The following RGS6 variants were observed in gnomAD, a reference collection of about 807,000 sequenced individuals.
The protein encoded by RGS6 is regulator of G-protein signaling 6.
Under a neutral mutation model 78.5 loss-of-function variants are expected in RGS6, and 30 were observed. The observed-to-expected ratio is 0.38, with a 90% CI of 0.29 to 0.52. The LOEUF is 0.52. Among genes scored for constraint, RGS6 ranks in the 20% least tolerant of loss-of-function variants. The pLI is 0.85. For missense variants in RGS6, 495 were observed against 609.7 expected, an observed-to-expected ratio of 0.81 and a Z score of 1.98; for synonymous variants, 206 against 206.0, an observed-to-expected ratio of 1.00 and a Z score of 0.00.
At chr14:71,868,558 T>C in the RGS6 span, among the ~76,000 whole-genome samples, 1 of 152,230 alleles carries the variant, frequency 6.6e-6, no homozygotes, top group African/African-American at 2.4e-5. Flanking sequence ...GAAGGCTTGA[T>C]AGGACATGTA....
At chr14:71,904,850 T>TCCTG in the RGS6 span, among the ~76,000 whole-genome samples, 1 of 152,244 alleles carries the variant, frequency 6.6e-6, no homozygotes, top group Non-Finnish European at 1.5e-5. Flanking sequence ...ATTTGGCTTT[T>TCCTG]ACCCCTGGGC....
intron 17 of RGS6, among the ~76,000 whole-genome samples, chr14:72,542,504 A>G (rs1417521650): frequency 2.0e-5 from 3 of 152,258 alleles, no homozygotes; most frequent in African/African-American, 7.2e-5. Flanking sequence ...ATAAAACTAA[A>G]TGAAGGGCCA....
chr14:72,430,899 AT>A (rs1400619235), intron 3 of RGS6, among the ~76,000 whole-genome samples: 1 of 152,146 alleles, frequency 6.6e-6, no homozygotes, highest in Non-Finnish European at 1.5e-5. Context: ...AGAAAATATT[AT>A]TTAATCCAGG....
chr14:72,397,327 C>G (rs970706163), intron 3 of RGS6, among the ~76,000 whole-genome samples: 1 of 151,930 alleles, frequency 6.6e-6, no homozygotes, highest in Non-Finnish European at 1.5e-5. Flanking sequence ...AATGGGAGTT[C>G]ACTCATGATT....
chr14:72,624,876 A>G, the RGS6 span, among the ~76,000 whole-genome samples: 3 of 152,254 alleles, frequency 2.0e-5, no homozygotes, highest in African/African-American at 7.2e-5. Context: ...ATACCACTAA[A>G]GTAATGTTGT....
chr14:72,536,212 T>C lies in RGS6; in HGVS notation c.1305T>C (p.Ser435=), dbSNP rs1174960969. 2.5e-5 allele frequency: 41 copies of C among 1,613,756 alleles called. No homozygotes were observed. Among genetic ancestry groups the C allele is most frequent in the Non-Finnish European group, 3.5e-5 (41 of 1,179,780 alleles). ...AQEHIYKLMK[S]DSYARFLRSN... ...AGCACATCTACAAGCTGATGAAGAG[T>C]GACAGCTATGCCCGCTTCCTCCGGT... is the stretch of plus-strand genomic sequence containing the variant. The change falls in exon 16 of 18, where the codon AGT becomes AGC. Residue 435 remains serine, a synonymous_variant. Coordinates refer to ENST00000553525, the MANE Select transcript of RGS6 (RefSeq NM_001204424.2).
At chr14:72,244,524 G>A (rs1594738658) in intron 2 of RGS6, among the ~76,000 whole-genome samples, 3 of 152,184 alleles carry the variant, frequency 2.0e-5, no homozygotes, top group East Asian at 3.9e-4. Flanking sequence ...TCCCATTGGG[G>A]ACTGTGAAGT....
chr14:72,488,365 A>C (rs1038667292), intron 12 of RGS6, among the ~76,000 whole-genome samples: 5 of 152,190 alleles, frequency 3.3e-5, no homozygotes, highest in Non-Finnish European at 7.3e-5. Context: ...TTCATGCTTA[A>C]TGCCTGTTGC....
chr14:72,503,019 T>C, intron 13 of RGS6, among the ~76,000 whole-genome samples: 1 of 152,132 alleles, frequency 6.6e-6, no homozygotes, highest in East Asian at 1.9e-4. Flanking sequence ...TTAAAAACAA[T>C]ATAAAAATTT....
chr14:72,490,984 G>A lies in RGS6; in HGVS notation c.855-4168G>A, dbSNP rs913678366. Among the ~76,000 whole-genome samples the A allele has an allele frequency of 3.9e-5, 6 of 152,286 alleles. No homozygotes were observed. The South Asian group carries it at 1.0e-3, about 26-fold the overall frequency. On this transcript the variant is annotated intron_variant, in intron 12 of 17. Transcript: ENST00000553525. ...ACCTGAGATCCTGCATTGCTAACAGGCTCCCAGGTGATGCCAGTGCAGCTG... is the reference window on the plus strand; with the variant it reads ...ACCTGAGATCCTGCATTGCTAACAGACTCCCAGGTGATGCCAGTGCAGCTG...
intron 2 of RGS6, among the ~76,000 whole-genome samples, chr14:72,039,895 C>T (rs1169847026): frequency 9.6e-5 from 9 of 93,858 alleles, no homozygotes; most frequent in African/African-American, 1.7e-4. Context: ...ATTTTCTTTG[C>T]GGTTGCTATG....
chr14:72,340,085 G>T (rs540312023), intron 2 of RGS6, among the ~76,000 whole-genome samples: 38 of 152,272 alleles, frequency 2.5e-4, no homozygotes, highest in African/African-American at 9.1e-4. Flanking sequence ...TGCAGTGAGT[G>T]CTCAAATATA....
At chr14:72,293,708 A>G (rs2064108930) in intron 2 of RGS6, among the ~76,000 whole-genome samples, 1 of 152,158 alleles carries the variant, frequency 6.6e-6, no homozygotes, top group East Asian at 1.9e-4. Flanking sequence ...TCAGCAGTAG[A>G]CTCATTTCAT....
intron 2 of RGS6, among the ~76,000 whole-genome samples, chr14:72,067,643 TG>T (rs1473203441): frequency 6.6e-6 from 1 of 152,208 alleles, no homozygotes; most frequent in Non-Finnish European, 1.5e-5. Flanking sequence ...GGTAAGGTTT[TG>T]CCTCCTATTA....
At chr14:72,066,099 TGGA>T (rs2094135217) in intron 2 of RGS6, among the ~76,000 whole-genome samples, 1 of 152,192 alleles carries the variant, frequency 6.6e-6, no homozygotes, top group Non-Finnish European at 1.5e-5. Context: ...CTTCTTTCTG[TGGA>T]GGTGAAACTT....
intron 2 of RGS6, among the ~76,000 whole-genome samples, chr14:72,195,899 C>T (rs1324255105): frequency 6.6e-6 from 1 of 152,160 alleles, no homozygotes; most frequent in Non-Finnish European, 1.5e-5. Flanking sequence ...GCAGAAGAGT[C>T]AATACCACAC....
At chr14:72,411,830 G>T (rs1047014696) in intron 3 of RGS6, among the ~76,000 whole-genome samples, 3 of 152,148 alleles carry the variant, frequency 2.0e-5, no homozygotes, top group East Asian at 3.9e-4. Flanking sequence ...ATTATCATGC[G>T]GTTTTTGTCT....
At chr14:72,411,408 A>G (rs2093403517) in intron 3 of RGS6, among the ~76,000 whole-genome samples, 1 of 152,190 alleles carries the variant, frequency 6.6e-6, no homozygotes, top group African/African-American at 2.4e-5. Flanking sequence ...ATTTTTGCAC[A>G]TTGAGTTTGT....
chr14:72,089,175 G>A (rs1325083703), intron 2 of RGS6, among the ~76,000 whole-genome samples: 1 of 152,186 alleles, frequency 6.6e-6, no homozygotes, highest in Non-Finnish European at 1.5e-5. Context: ...CCACAACAGT[G>A]ACTGGCACAT....
Sources: gnomAD v4.1 joint callset for allele counts (sites outside exome capture counted in the v4.1 genomes callset) on GRCh38, gnomAD v4.1.1 for gene constraint, MANE v1.5 for transcripts, NCBI Gene and HGNC (gene_info 2026-07-23, HGNC 2026-07-21) for gene names.